The following SPO11 variants were observed in gnomAD, a reference collection of about 807,000 sequenced individuals.
The protein encoded by SPO11 is SPO11 initiator of meiotic double strand breaks.
SPO11 carries 49 observed loss-of-function variants against 51.6 expected under a neutral mutation model. That is an observed-to-expected ratio of 0.95 (90% confidence interval 0.75 to 1.20). The LOEUF is 1.20. Ranked by LOEUF, SPO11 falls within the 50% of genes most tolerant of loss-of-function variation. The pLI is 0.00. For missense variants in SPO11, 431 were observed against 473.4 expected (o/e 0.91, Z 0.83); for synonymous variants, 176 against 158.2 (o/e 1.11, Z -0.84).
In SPO11 at chr20:57,335,790, C is replaced by T. The variant is rs1440525573; in HGVS notation, c.635-8C>T. ...CTTGCTTTCAATTTATCAGCCTTAA[C>T]TTCACAGATTTAGTTACAGATGCAA... On this transcript the variant is annotated splice_polypyrimidine_tract_variant and splice_region_variant and intron_variant, in intron 7 of 12. Transcript: ENST00000371263. The T allele has an allele frequency of 7.2e-6, 11 of 1,534,430 alleles. No individual in the cohort carries two copies. The highest frequency in any genetic ancestry group is 3.4e-4 in the Middle Eastern group (2 of 5,932).
Position 57,334,017 on chromosome 20 carries a change from T to C in SPO11, c.432T>C (p.Phe144=), listed in dbSNP as rs763088587. 1 of 1,586,206 alleles carries C rather than the reference T, an allele frequency of 6.3e-7. No homozygotes were observed. Among genetic ancestry groups the C allele is most frequent in the Non-Finnish European group, 8.6e-7 (1 of 1,165,658 alleles). Residue 144 remains phenylalanine, a synonymous_variant, in exon 5 of 13, where the codon TTT becomes TTC. Coordinates refer to ENST00000371263, the MANE Select transcript of SPO11 (RefSeq NM_012444.3). The part of the protein sequence containing the change: ...RDIYYTDSQL[F]GNQTVVDNII... ...TATATTACACTGACAGTCAACTCTT[T>C]GGTAACCAGACTGTCGTCGACAATA... is the stretch of plus-strand genomic sequence containing the variant.
At chr20:57,340,298 G>C (rs1398947221) in intron 11 of SPO11, 120 bp downstream of exon 11, 1 of 587,430 alleles carries the variant, frequency 1.7e-6, no homozygotes, top group African/African-American at 1.9e-5. Flanking sequence ...TATTGTCCAC[G>C]ATGACTTATG....
chr20:57,331,976 T>A, intron 2 of SPO11, 30 bp downstream of exon 2: 2 of 1,288,522 alleles, frequency 1.6e-6, no homozygotes, highest in South Asian at 1.3e-5. Context: ...ATTTTTTAAA[T>A]GCAATATCTA....
chr20:57,338,822 A>G (rs2066545545), intron 9 of SPO11, among the ~76,000 whole-genome samples, 167 bp from the exon 10 acceptor site: 1 of 152,120 alleles, frequency 6.6e-6, no homozygotes, highest in Non-Finnish European at 1.5e-5. Context: ...TTGGTCTATA[A>G]TTATTTGACA....
chr20:57,330,088 G>A (rs1047533526), intron 1 of SPO11, 90 bp downstream of exon 1: 67 of 1,439,542 alleles, frequency 4.7e-5, no homozygotes, highest in Non-Finnish European at 6.0e-5. Flanking sequence ...TAGTGTTGAG[G>A]CTGAGGAGGC....
At position 57,343,867 on chromosome 20, in the gene SPO11, A is replaced by ATGAAT. The variant is rs2066613171; in HGVS notation, c.*410_*414dup. ...ATGATCTGAATTTGAGATGTTGCAA[A>ATGAAT]TGAATTGTGGTGTCCGGTAGTTTCT... On this transcript the variant is annotated 3_prime_UTR_variant, in exon 13 of 13. Transcript: ENST00000371263. The ATGAAT allele has an allele frequency of 6.5e-6, 1 of 153,574 alleles. No individual in the cohort carries two copies. Among genetic ancestry groups the ATGAAT allele is most frequent in the Non-Finnish European group, 1.4e-5 (1 of 69,126 alleles). 9.5% of individuals were successfully genotyped at this position (153,574 alleles called of 1,614,324 possible).
intron 11 of SPO11, among the ~76,000 whole-genome samples, chr20:57,341,030 G>A (rs1366557989): frequency 6.6e-6 from 1 of 152,000 alleles, no homozygotes; most frequent in Admixed American, 6.6e-5. Flanking sequence ...TCTGTGCATA[G>A]CCATAACTTT....
intron 11 of SPO11, among the ~76,000 whole-genome samples, 157 bp from the exon 12 acceptor site, chr20:57,342,572 T>G (rs28368099): frequency 6.6e-6 from 1 of 152,234 alleles, no homozygotes; most frequent in African/African-American, 2.4e-5. Context: ...GTCTAAGACA[T>G]GACAGATCCC....
At position 57,338,363 on chromosome 20, in the gene SPO11, G is replaced by A. The variant is rs752709076; in HGVS notation, c.832G>A (p.Ala278Thr). The A allele has an allele frequency of 6.2e-7, 1 of 1,606,408 alleles. No homozygotes were observed. The highest frequency in any genetic ancestry group is 1.1e-5 in the South Asian group (1 of 90,812). Residue 278 changes from alanine to threonine, a missense_variant, in exon 9 of 13, where the codon GCT becomes ACT. Transcript: ENST00000371263. ...FHVPVFTLVDADPHGIEIMCI... is the reference protein window; with the variant it reads ...FHVPVFTLVDTDPHGIEIMCI... ...TGTTCCTGTTTTCACTCTTGTAGAT[G>A]CTGATCCACATGGTAATTTATCACT...
Position 57,331,908 on chromosome 20 carries a change from A to G in SPO11, c.207A>G (p.Ala69=). The G allele has an allele frequency of 7.5e-6, 12 of 1,604,770 alleles. No homozygotes were observed. The highest frequency in any genetic ancestry group is 1.0e-5 in the Non-Finnish European group (12 of 1,175,866). The change falls in exon 2 of 13, where the codon GCA becomes GCG. Residue 69 remains alanine (A), a synonymous_variant. Coordinates refer to ENST00000371263, the MANE Select transcript of SPO11 (RefSeq NM_012444.3). ...ITSLARNEAP[A]FTIDNRSSWE... ...GCTTGGCAAGAAATGAAGCACCTGC[A>G]TTCACGATAGACAACAGATCAAGCT...
chr20:57,336,323 G>T (rs2066512977), intron 8 of SPO11, among the ~76,000 whole-genome samples: 1 of 152,104 alleles, frequency 6.6e-6, no homozygotes, highest in Non-Finnish European at 1.5e-5. Context: ...ACATCCCATG[G>T]TCACCAAGTC....
intron 9 of SPO11, 118 bp downstream of exon 9, chr20:57,338,493 G>A: frequency 1.4e-6 from 1 of 719,780 alleles, no homozygotes; most frequent in Non-Finnish European, 2.2e-6. Flanking sequence ...TGTCACCCAG[G>A]AGTGCAATGG....
intron 2 of SPO11, among the ~76,000 whole-genome samples, 165 bp from the exon 3 acceptor site, chr20:57,333,023 C>T (rs1406202229): frequency 1.3e-5 from 2 of 152,162 alleles, no homozygotes; most frequent in Admixed American, 6.5e-5. Context: ...TAGTTATCAC[C>T]TGGAATGATC....
chr20:57,333,936 T>C (rs577257322), intron 4 of SPO11, 51 bp from the exon 5 acceptor site: 3 of 1,134,040 alleles, frequency 2.6e-6, no homozygotes, highest in South Asian at 3.5e-5. Context: ...ATACTTGTCA[T>C]ATTCAAAAAG....
chr20:57,342,857 A>G lies in SPO11; in HGVS notation c.1071+17A>G, dbSNP rs747321941. On this transcript the variant is annotated intron_variant, in intron 12 of 12. Transcript: ENST00000371263. ...AGAAAAGAAGTATGTTTCCTTTTACAACTCAAGTGTTGCATGTTTAATTGT... is the reference window on the plus strand; with the variant it reads ...AGAAAAGAAGTATGTTTCCTTTTACGACTCAAGTGTTGCATGTTTAATTGT... The G allele has an allele frequency of 2.6e-6, 4 of 1,543,858 alleles. No individual in the cohort carries two copies. The highest frequency in any genetic ancestry group is 3.6e-6 in the Non-Finnish European group (4 of 1,119,058).
At position 57,343,464 on chromosome 20, in the gene SPO11, T is replaced by G; in HGVS notation, c.*4T>G. ...AAAATTTGGAGGATGGATATAAAAA[T>G]AAATCAGAAGAACTTCTGATTGCCA... On this transcript the variant is annotated 3_prime_UTR_variant, in exon 13 of 13. Transcript: ENST00000371263. The G allele has an allele frequency of 1.3e-6, 2 of 1,588,934 alleles. No individual in the cohort carries two copies. Among genetic ancestry groups the G allele is most frequent in the African/African-American group, 1.4e-5 (1 of 73,260 alleles).
intron 1 of SPO11, among the ~76,000 whole-genome samples, chr20:57,330,983 A>T (rs887362919): frequency 3.9e-5 from 6 of 152,252 alleles, no homozygotes; most frequent in Non-Finnish European, 7.3e-5. Context: ...ATGTTTTAAA[A>T]TTCATTTTCT....
chr20:57,329,860 C>A lies in SPO11; in HGVS notation c.-8C>A. 1 of 1,611,220 alleles carries A rather than the reference C, an allele frequency of 6.2e-7. No homozygotes were observed. Among genetic ancestry groups the A allele is most frequent in the South Asian group, 1.1e-5 (1 of 90,896 alleles). ...GGCTTCTGGAGCTTCTGGCAGCCGT[C>A]TGCCCTCATGGCCTTTGCACCTATG... On this transcript the variant is annotated 5_prime_UTR_variant, in exon 1 of 13. In the 5' UTR this introduces an upstream ATG that the reference lacks. Coordinates refer to ENST00000371263, the MANE Select transcript of SPO11 (RefSeq NM_012444.3).
intron 1 of SPO11, among the ~76,000 whole-genome samples, chr20:57,330,654 CTTTAT>C (rs924478906): frequency 4.6e-5 from 7 of 152,108 alleles, no homozygotes; most frequent in African/African-American, 1.7e-4. Flanking sequence ...CTTAAAAATA[CTTTAT>C]TTTGTTTCCT....
Sources: allele counts gnomAD v4.1 joint callset (sites outside exome capture counted in the v4.1 genomes callset), GRCh38; gene constraint gnomAD v4.1.1; transcripts MANE v1.5; gene names NCBI Gene and HGNC (gene_info 2026-07-23, HGNC 2026-07-21).